PLCB3: variants seen among roughly 807,000 people sequenced by gnomAD.
The protein encoded by PLCB3 is 1-phosphatidylinositol 4,5-bisphosphate phosphodiesterase beta-3.
PLCB3 carries 54 observed loss-of-function variants against 152.1 expected under a neutral mutation model. The observed-to-expected ratio is 0.36, with a 90% CI of 0.29 to 0.45. The LOEUF is 0.45. Ranked by LOEUF, PLCB3 falls within the 20% of genes least tolerant of loss-of-function variation. The probability of loss-of-function intolerance (pLI) is 1.00; values close to 1 mark genes in which losing one functional copy is unlikely to be tolerated. For missense variants in PLCB3, 1,248 were observed against 1,687.5 expected (o/e 0.74, Z 4.56); for synonymous variants, 717 against 698.7 (o/e 1.03, Z -0.41).
chr11:64,255,639 C>CGGGGTGGGGGGGGGGGGCACGGGGGG lies in PLCB3; in HGVS notation c.597+32_597+33insGGGGGGGGCACGGGGGGGGGGTGGGG. 23 of 644,722 alleles carry CGGGGTGGGGGGGGGGGGCACGGGGGG rather than the reference C, an allele frequency of 3.6e-5. No homozygotes were observed. Among genetic ancestry groups the CGGGGTGGGGGGGGGGGGCACGGGGGG allele is most frequent in the Non-Finnish European group, 4.9e-5 (18 of 370,114 alleles). The allele number at this position is 644,722 out of a possible 1,614,324, so 39.9% of individuals were successfully genotyped here. The stretch of plus-strand genomic sequence containing the variant: ...CGGGTGTGTGGGGTGGGGACAGGGG[C>CGGGGTGGGGGGGGGGGGCACGGGGGG]GGGGTGGGGTGTCACGGTGGGCACC... On this transcript the variant is annotated intron_variant, in intron 7 of 30. Transcript: ENST00000279230. This position sits in a 1 kb window ranked among gnomAD's most constrained non-coding sequence, Gnocchi z 6.8.
At chr11:64,259,973 C>A in intron 13 of PLCB3, 56 bp from the exon 14 acceptor site, 1 of 1,471,612 alleles carries the variant, frequency 6.8e-7, no homozygotes, top group Non-Finnish European at 9.4e-7. Context: ...CCCCTCCAGA[C>A]TTCCTAAGCA....
chr11:64,257,247 G>T (rs1173010593), intron 10 of PLCB3, among the ~76,000 whole-genome samples: 2 of 152,042 alleles, frequency 1.3e-5, no homozygotes, highest in African/African-American at 2.4e-5. Flanking sequence ...CAGGTGATCC[G>T]CCTGCCTCGC....
intron 1 of PLCB3, among the ~76,000 whole-genome samples, chr11:64,252,132 G>A (rs1218722878): frequency 6.6e-6 from 1 of 152,114 alleles, no homozygotes; most frequent in Non-Finnish European, 1.5e-5. Context: ...CTTCCAGGCT[G>A]GCTGGGGGCA....
intron 14 of PLCB3, 53 bp downstream of exon 14, chr11:64,260,287 G>C (rs548865212): frequency 1.2e-4 from 162 of 1,344,542 alleles, no homozygotes; most frequent in Non-Finnish European, 1.6e-4. Context: ...TTACCTCCCA[G>C]GGGGCTGGGT....
rs767723592 is a variant in PLCB3 at position 64,260,124 on chromosome 11, G to A, written c.1621G>A (p.Glu541Lys). The A allele has an allele frequency of 4.3e-6, 7 of 1,611,762 alleles. No homozygotes were observed. The highest frequency in any genetic ancestry group is 3.3e-5 in the South Asian group (3 of 90,748). Residue 541 changes from glutamate to lysine, a missense_variant, in exon 14 of 31, where the codon GAG becomes AAG. Physicochemically the swap from Glu to Lys is moderately conservative, Grantham distance 56 (BLOSUM62 1). Coordinates refer to ENST00000279230, the MANE Select transcript of PLCB3 (RefSeq NM_000932.5). ...GGAGCCTCAGAAGTCTCTGGGTGAC[G>A]AGGGCCTGAACCGAGGCCCCTATGT... ...SLEPQKSLGD[E>K]GLNRGPYVLG...
rs772584226 is a variant in PLCB3, at chr11:64,255,332, G to A, written c.467+19G>A. On this transcript the variant is annotated intron_variant, in intron 5 of 30. Transcript: ENST00000279230. This position sits in a 1 kb window ranked among gnomAD's most constrained non-coding sequence, Gnocchi z 6.8. The stretch of plus-strand genomic sequence containing the variant: ...GCAAAGCGTGAGCCCCAGGCCACCC[G>A]AGGGGGAGCCGGGGGGTTCACGTGG... The A allele has an allele frequency of 1.1e-5, 17 of 1,613,274 alleles. No homozygotes were observed. The highest frequency in any genetic ancestry group is 7.7e-5 in the South Asian group (7 of 91,076).
At chr11:64,260,285 C>A in intron 14 of PLCB3, 51 bp downstream of exon 14, 1 of 1,363,504 alleles carries the variant, frequency 7.3e-7, no homozygotes, top group Non-Finnish European at 1.0e-6. Context: ...ATTTACCTCC[C>A]AGGGGGCTGG....
Position 64,255,559 on chromosome 11 carries a change from A to G in PLCB3, c.540A>G (p.Ser180=), listed in dbSNP as rs746213140. 1.9e-6 allele frequency: 3 copies of G among 1,599,678 alleles called. No homozygotes were observed. In the East Asian group the frequency reaches 6.9e-5, roughly 37 times the overall value. ...GCATCAGCATCCTGAAGATGTTCTC[A>G]GCAGACAAGAAGCGGGTGGAGACTG... ...IPVKNILKMF[S]ADKKRVETAL... is the part of the protein sequence containing the mutation. The change falls in exon 7 of 31, where the codon TCA becomes TCG. Residue 180 remains serine (S), a synonymous_variant. Coordinates refer to ENST00000279230, the MANE Select transcript of PLCB3 (RefSeq NM_000932.5). The surrounding 1 kb of genome is among the most constrained non-coding windows in gnomAD (Gnocchi z 6.8).
chr11:64,261,360 G>A (rs372916659), intron 14 of PLCB3, 40 bp from the exon 15 acceptor site: 5 of 1,454,686 alleles, frequency 3.4e-6, no homozygotes, highest in Non-Finnish European at 4.8e-6. Flanking sequence ...GGCCAGCTGT[G>A]GCGGGAATGG....
intron 1 of PLCB3, among the ~76,000 whole-genome samples, chr11:64,252,218 A>G (rs2031248423): frequency 6.7e-6 from 1 of 150,290 alleles, no homozygotes; most frequent in African/African-American, 2.5e-5. Context: ...TCCATTCATC[A>G]TTTTTCCCCC....
At chr11:64,256,212 G>C (rs574306510) in intron 8 of PLCB3, among the ~76,000 whole-genome samples, 164 bp from the exon 9 acceptor site, 2 of 152,234 alleles carry the variant, frequency 1.3e-5, no homozygotes, top group South Asian at 4.1e-4. Flanking sequence ...GAGTAAAGGG[G>C]GAAACTGAGG....
At chr11:64,263,320 G>A in intron 19 of PLCB3, 178 bp from the exon 20 acceptor site, 2 of 587,766 alleles carry the variant, frequency 3.4e-6, no homozygotes, top group Non-Finnish European at 6.1e-6. Context: ...TCATCCATTA[G>A]GCCAGGACAT....
intron 14 of PLCB3, 151 bp downstream of exon 14, chr11:64,260,385 C>T (rs978381140): frequency 1.6e-6 from 1 of 638,668 alleles, no homozygotes; most frequent in Non-Finnish European, 2.8e-6. Flanking sequence ...CTTCAGTCAT[C>T]AGGCATGGAA....
chr11:64,254,121 T>C (rs992399828), intron 1 of PLCB3, among the ~76,000 whole-genome samples: 6 of 151,948 alleles, frequency 3.9e-5, no homozygotes, highest in Non-Finnish European at 8.8e-5. Context: ...GGGCAGGGTG[T>C]CCTGGCAAAG....
intron 10 of PLCB3, among the ~76,000 whole-genome samples, chr11:64,256,998 T>A (rs2031567214): frequency 1.4e-4 from 2 of 13,856 alleles, no homozygotes; most frequent in African/African-American, 5.5e-4. Flanking sequence ...TTCAGGGTCC[T>A]TTTTTTTTTT....
chr11:64,257,067 C>T (rs2031579096), intron 10 of PLCB3, among the ~76,000 whole-genome samples: 2 of 140,262 alleles, frequency 1.4e-5, no homozygotes, highest in South Asian at 2.4e-4. Context: ...TGCAATGGCA[C>T]GATCTAGGCT....
intron 19 of PLCB3, 26 bp from the exon 20 acceptor site, chr11:64,263,472 T>C (rs2510067): frequency 0.99 from 1,480,345 of 1,490,508 alleles, 735,661 homozygotes; most frequent in East Asian, 1. Context: ...GTCAGCCCTG[T>C]GGCTCAGCTC....
chr11:64,263,062 G>A (rs759882809), intron 19 of PLCB3, among the ~76,000 whole-genome samples: 2 of 152,218 alleles, frequency 1.3e-5, no homozygotes, highest in African/African-American at 4.8e-5. Context: ...CCTGCGAGGA[G>A]TGGACACAGC....
Position 64,265,186 on chromosome 11 carries a change from C to T in PLCB3, c.2807-6C>T. On this transcript the variant is annotated splice_polypyrimidine_tract_variant and splice_region_variant and intron_variant, in intron 23 of 30. Transcript: ENST00000279230. ...TCCAGCTCCTCACAGGGCCTCTGCT[C>T]CCCAGGGCAGCGTGATGATCTCATC... The T allele has an allele frequency of 6.3e-7, 1 of 1,594,014 alleles. No individual in the cohort carries two copies. The highest frequency in any genetic ancestry group is 8.6e-7 in the Non-Finnish European group (1 of 1,169,322).
Sources: allele counts gnomAD v4.1 joint callset (sites outside exome capture counted in the v4.1 genomes callset), GRCh38; gene constraint gnomAD v4.1.1; non-coding constraint Gnocchi (gnomAD v3.1); transcripts MANE v1.5; gene names NCBI Gene and HGNC (gene_info 2026-07-23, HGNC 2026-07-21).